HIVEP2: variants seen among roughly 807,000 people sequenced by gnomAD.
HIVEP2 encodes the protein HIVEP zinc finger 2, also known as transcription factor HIVEP2.
A neutral mutation model predicts 180.7 loss-of-function variants in HIVEP2; 14 were observed. The observed-to-expected ratio is 0.08, with a 90% CI of 0.05 to 0.12. HIVEP2 has a LOEUF of 0.12. HIVEP2 is among the 10% of genes least tolerant of loss of function. HIVEP2 has a pLI of 1.00. For missense variants in HIVEP2, 2,579 were observed against 3,008.5 expected (o/e 0.86, Z 3.34); for synonymous variants, 1,184 against 1,136.4 (o/e 1.04, Z -0.84).
intron 1 of HIVEP2, among the ~76,000 whole-genome samples, chr6:142,842,096 T>G (rs71564423): frequency 0.011 from 1,724 of 152,274 alleles, 16 homozygotes; most frequent in Non-Finnish European, 0.019. Context: ...CTTAGAATAT[T>G]TACATGACAA....
Position 142,773,602 on chromosome 6 carries a change from T to C in HIVEP2, c.1137A>G (p.Gln379=). ...GAAGGTTGAGCGATGGCTCAGAATC[T>C]TGTCCTTTTTTCTCTGACAGTCTTA... ...LALRLSEKKG[Q]DSEPSLNLLS... is the part of the protein sequence containing the mutation. The change falls in exon 5 of 10, where the codon CAA becomes CAG. Residue 379 remains glutamine, a synonymous_variant. Transcript: ENST00000367603. The C allele has an allele frequency of 6.2e-7, 1 of 1,614,240 alleles. No homozygotes were observed. Among genetic ancestry groups the C allele is most frequent in the East Asian group, 2.2e-5 (1 of 44,880 alleles).
At chr6:142,818,707 G>GA (rs1554213966) in intron 2 of HIVEP2, among the ~76,000 whole-genome samples, 28 of 52,146 alleles carry the variant, frequency 5.4e-4, no homozygotes, top group African/African-American at 2.1e-3. Flanking sequence ...AAGAAAGAAA[G>GA]AAAGAAAGAA....
At chr6:142,935,661 C>T (rs991299) in intron 1 of HIVEP2, among the ~76,000 whole-genome samples, 9,853 of 152,126 alleles carry the variant, frequency 0.065, 583 homozygotes, top group East Asian at 0.25. Context: ...TCTCATGGCC[C>T]CCATCTTATA....
At chr6:142,902,296 G>A (rs901643378) in intron 1 of HIVEP2, among the ~76,000 whole-genome samples, 1 of 151,048 alleles carries the variant, frequency 6.6e-6, no homozygotes, top group African/African-American at 2.5e-5. Flanking sequence ...TGATGAGATG[G>A]GAACCTCGCC....
At chr6:142,792,318 G>T (rs1776157257) in intron 2 of HIVEP2, among the ~76,000 whole-genome samples, 1 of 152,128 alleles carries the variant, frequency 6.6e-6, no homozygotes, top group African/African-American at 2.4e-5. Context: ...TTGGAGCAAA[G>T]GAGGAAAAGA....
At chr6:142,788,599 A>G (rs144590788) in intron 2 of HIVEP2, among the ~76,000 whole-genome samples, 116 of 152,052 alleles carry the variant, frequency 7.6e-4, no homozygotes, top group Middle Eastern at 3.4e-3. Flanking sequence ...TGTAATCCCA[A>G]CTACTCAGGA....
At chr6:142,899,828 A>G (rs780906006) in intron 1 of HIVEP2, among the ~76,000 whole-genome samples, 10 of 152,156 alleles carry the variant, frequency 6.6e-5, no homozygotes, top group Non-Finnish European at 1.0e-4. Context: ...TTAAGTACAG[A>G]GGTGAAAGGA....
At chr6:142,835,557 C>T (rs955914457) in intron 2 of HIVEP2, among the ~76,000 whole-genome samples, 10 of 152,184 alleles carry the variant, frequency 6.6e-5, no homozygotes, top group African/African-American at 2.4e-4. Context: ...TAAGGCTTTG[C>T]TTTTCACACT....
At chr6:142,783,010 G>A (rs981595151) in intron 3 of HIVEP2, among the ~76,000 whole-genome samples, 48 of 152,058 alleles carry the variant, frequency 3.2e-4, no homozygotes, top group African/African-American at 6.0e-4. Context: ...AAATTCTGTC[G>A]AATAATGCTA....
rs190688683 is a variant in HIVEP2, at chr6:142,760,522, G to A, written c.5766C>T (p.Asp1922=). Residue 1922 remains aspartate (D), a synonymous_variant, in exon 9 of 10, where the codon GAC becomes GAT. Transcript: ENST00000367603. Reference sequence around the variant, plus strand: ...TTTTTGGTGTTAAATCTCCCTGGTCGTCAAAGTCATCTTCATCTTCATCAT... The same window carrying A: ...TTTTTGGTGTTAAATCTCCCTGGTCATCAAAGTCATCTTCATCTTCATCAT... ...DDDDEDEDDF[D]DQGDLTPKTR... 7.8e-5 allele frequency: 126 copies of A among 1,614,010 alleles called. No individual in the cohort carries two copies. Among genetic ancestry groups the A allele is most frequent in the Admixed American group, 1.7e-4 (10 of 59,990 alleles).
At position 142,771,453 on chromosome 6, in the gene HIVEP2, C is replaced by T. The variant is rs980659743; in HGVS notation, c.3286G>A (p.Glu1096Lys). ...TTCACGCTCTGATCCATGCCAACCT[C>T]GCCCTGGGAGATTTCTGGGGAGCCA... Reference protein sequence around the residue: ...FSGSPEISQGEVGMDQSVKQE... With the variant: ...FSGSPEISQGKVGMDQSVKQE... Residue 1096 changes from glutamate (E) to lysine (K), a missense_variant, in exon 5 of 10, where the codon GAG becomes AAG. Transcript: ENST00000367603. The surrounding 1 kb of genome is among the most constrained non-coding windows in gnomAD (Gnocchi z 5.4). The T allele has an allele frequency of 1.2e-6, 2 of 1,613,482 alleles. No homozygotes were observed. The highest frequency in any genetic ancestry group is 1.1e-5 in the South Asian group (1 of 91,092).
chr6:142,855,202 G>T (rs922762992), intron 1 of HIVEP2, among the ~76,000 whole-genome samples: 3 of 152,234 alleles, frequency 2.0e-5, no homozygotes, highest in Non-Finnish European at 2.9e-5. Flanking sequence ...CACGTGGTAA[G>T]TTCACCCACA....
chr6:142,766,937 A>G (rs1775392869), intron 6 of HIVEP2, among the ~76,000 whole-genome samples: 1 of 152,208 alleles, frequency 6.6e-6, no homozygotes, highest in African/African-American at 2.4e-5. Flanking sequence ...AGGTTTGGAA[A>G]AAACACTTGG....
At chr6:142,934,384 T>G (rs554654721) in intron 1 of HIVEP2, among the ~76,000 whole-genome samples, 1 of 152,312 alleles carries the variant, frequency 6.6e-6, no homozygotes, top group South Asian at 2.1e-4. Context: ...AGCAATCAAC[T>G]AGTGGGGTCA....
chr6:142,817,938 G>A (rs1393585242), intron 2 of HIVEP2, among the ~76,000 whole-genome samples: 3 of 151,626 alleles, frequency 2.0e-5, no homozygotes, highest in African/African-American at 4.9e-5. Flanking sequence ...CCTGGGAGGC[G>A]GAGGTTGCAG....
intron 2 of HIVEP2, among the ~76,000 whole-genome samples, chr6:142,810,337 T>A (rs931529406): frequency 2.0e-5 from 3 of 152,228 alleles, no homozygotes; most frequent in African/African-American, 7.2e-5. Flanking sequence ...AAGAATTTAA[T>A]TCAGTAACCC....
intron 1 of HIVEP2, among the ~76,000 whole-genome samples, chr6:142,886,877 G>T (rs933594964): frequency 6.6e-6 from 1 of 152,108 alleles, no homozygotes; most frequent in Admixed American, 6.6e-5. Context: ...TTCCTGTCCT[G>T]GTAGGTTCTA....
intron 1 of HIVEP2, among the ~76,000 whole-genome samples, chr6:142,866,251 A>G (rs1454898707): frequency 6.6e-6 from 1 of 152,188 alleles, no homozygotes; most frequent in Non-Finnish European, 1.5e-5. Flanking sequence ...AATGAGGATA[A>G]TATCAGCAAC....
In HIVEP2 at chr6:142,770,958, C is replaced by G. The variant is rs762063785; in HGVS notation, c.3781G>C (p.Ala1261Pro). 10 of 1,614,024 alleles carry G rather than the reference C, an allele frequency of 6.2e-6. No individual in the cohort carries two copies. The highest frequency in any genetic ancestry group is 8.5e-6 in the Non-Finnish European group (10 of 1,180,024). ...GCAGGTTTCTTTCCAGTGTGCTCTG[C>G]CACATGCTCTAAGGGATAGCTCGAA... Reference protein sequence around the residue: ...IHSSYPLEHVAEHTGKKPAEY... With the variant: ...IHSSYPLEHVPEHTGKKPAEY... The change falls in exon 5 of 10, where the codon GCA becomes CCA. Residue 1261 changes from alanine to proline, a missense_variant. Ala to Pro is a conservative substitution (Grantham distance 27). Around this residue, in one of 11 missense-constraint regions of HIVEP2, gnomAD observed 523 missense variants for 577.0 expected, o/e 0.91. Coordinates refer to ENST00000367603, the MANE Select transcript of HIVEP2 (RefSeq NM_006734.4). This position sits in a 1 kb window ranked among gnomAD's most constrained non-coding sequence, Gnocchi z 4.7.
Sources: allele counts gnomAD v4.1 joint callset (sites outside exome capture counted in the v4.1 genomes callset), GRCh38; gene constraint gnomAD v4.1.1; regional missense constraint gnomAD v4.1.1; non-coding constraint Gnocchi (gnomAD v3.1); transcripts MANE v1.5; gene names NCBI Gene and HGNC (gene_info 2026-07-23, HGNC 2026-07-21).